WBP1L: variants seen among roughly 807,000 people sequenced by gnomAD.
WBP1L encodes WW domain binding protein 1-like.
WBP1L carries 17 observed loss-of-function variants against 33.7 expected under a neutral mutation model. The ratio of observed to expected loss-of-function variants is 0.50; its 90% CI spans 0.34 to 0.76. The LOEUF is 0.76. Among genes scored for constraint, WBP1L ranks in the 30% least tolerant of loss-of-function variants. The probability of loss-of-function intolerance (pLI) is 0.01; values close to 1 mark genes in which losing one functional copy is unlikely to be tolerated. For synonymous variants in WBP1L, 173 were observed against 190.8 expected (o/e 0.91, Z 0.77); for missense variants, 389 against 469.4 (o/e 0.83, Z 1.58).
At chr10:102,812,433 C>T (rs1431612617) in intron 3 of WBP1L, among the ~76,000 whole-genome samples, 162 bp from the exon 4 acceptor site, 1 of 152,188 alleles carries the variant, frequency 6.6e-6, no homozygotes, top group African/African-American at 2.4e-5. Context: ...TGCAGAATTG[C>T]TCGCAGCTGT....
At chr10:102,793,743 A>T (rs931756360) in intron 1 of WBP1L, among the ~76,000 whole-genome samples, 5 of 151,804 alleles carry the variant, frequency 3.3e-5, no homozygotes, top group African/African-American at 1.2e-4. Context: ...CTACTGTAAA[A>T]GCTGGGCTTT....
chr10:102,792,592 C>CTTT (rs11368357), intron 1 of WBP1L, among the ~76,000 whole-genome samples: 4 of 103,576 alleles, frequency 3.9e-5, no homozygotes, highest in Admixed American at 1.1e-4. Context: ...TTTTTCTTTT[C>CTTT]TTTTTTTTTT....
chr10:102,769,958 A>G (rs545266353), intron 1 of WBP1L, among the ~76,000 whole-genome samples: 1 of 152,218 alleles, frequency 6.6e-6, no homozygotes, highest in Admixed American at 6.5e-5. Context: ...GCCCAGAAGC[A>G]GGAGAGGTGT....
chr10:102,782,245 C>T (rs530460663), intron 1 of WBP1L, among the ~76,000 whole-genome samples: 4 of 39,248 alleles, frequency 1.0e-4, no homozygotes, highest in Non-Finnish European at 1.8e-4. Flanking sequence ...TTTTGAGGAA[C>T]GTGGCTTGTT....
intron 1 of WBP1L, among the ~76,000 whole-genome samples, chr10:102,747,038 A>G (rs1228587254): frequency 6.6e-6 from 1 of 152,192 alleles, no homozygotes; most frequent in Admixed American, 6.5e-5. Flanking sequence ...TTATGACATT[A>G]CAACTCACAG....
chr10:102,759,470 T>C (rs1241464008), intron 1 of WBP1L, among the ~76,000 whole-genome samples: 1 of 152,258 alleles, frequency 6.6e-6, no homozygotes, highest in Non-Finnish European at 1.5e-5. Flanking sequence ...TTTTCTTTAT[T>C]ATACTGAAAT....
At chr10:102,749,859 C>T (rs1842908327) in intron 1 of WBP1L, among the ~76,000 whole-genome samples, 1 of 151,290 alleles carries the variant, frequency 6.6e-6, no homozygotes, top group Non-Finnish European at 1.5e-5. Context: ...CTCACTGCCA[C>T]CTCTGACTCC....
At chr10:102,812,560 T>C (rs762056913) in intron 3 of WBP1L, 35 bp from the exon 4 acceptor site, 12 of 1,543,546 alleles carry the variant, frequency 7.8e-6, no homozygotes, top group African/African-American at 2.7e-5. Context: ...CAATGACCAG[T>C]GCAGTAATTT....
intron 1 of WBP1L, among the ~76,000 whole-genome samples, chr10:102,753,031 G>A (rs1391525488): frequency 6.6e-6 from 1 of 152,182 alleles, no homozygotes; most frequent in African/African-American, 2.4e-5. Flanking sequence ...CCTGCCATCA[G>A]CTATTAGGAC....
At chr10:102,768,319 C>T (rs1246557467) in intron 1 of WBP1L, among the ~76,000 whole-genome samples, 1 of 151,274 alleles carries the variant, frequency 6.6e-6, no homozygotes, top group African/African-American at 2.4e-5. Context: ...GATGTTCCAC[C>T]CACCTTGGCT....
intron 1 of WBP1L, among the ~76,000 whole-genome samples, chr10:102,749,826 G>A (rs1842907940): frequency 6.6e-6 from 1 of 151,716 alleles, no homozygotes; most frequent in African/African-American, 2.4e-5. Context: ...TGCCCAGGCT[G>A]GAGTGCAATG....
chr10:102,775,610 G>A (rs1191636754), intron 1 of WBP1L, among the ~76,000 whole-genome samples: 1 of 152,152 alleles, frequency 6.6e-6, no homozygotes, highest in Non-Finnish European at 1.5e-5. Flanking sequence ...TAAACTCTCC[G>A]GTGGAAGCGA....
chr10:102,784,110 GT>G lies in WBP1L; in HGVS notation c.91-13882del, dbSNP rs747519418. 9.9e-5 allele frequency among the ~76,000 whole-genome samples: 15 copies of G among 152,188 alleles called. No individual in the cohort carries two copies. In the East Asian group the frequency reaches 2.7e-3, roughly 27 times the overall value. On this transcript the variant is annotated intron_variant, in intron 1 of 3. Coordinates refer to ENST00000448841, the MANE Select transcript of WBP1L (RefSeq NM_001083913.2). The stretch of plus-strand genomic sequence containing the variant: ...CCATCTGAAATATGGATATGACCAA[GT>G]CCATCTGAAAAGTCGGATGGAACTG...
Position 102,809,886 on chromosome 10 carries a change from C to A in WBP1L, c.194-7C>A, listed in dbSNP as rs758934867. 1.2e-6 allele frequency: 2 copies of A among 1,606,196 alleles called. No individual in the cohort carries two copies. The highest frequency in any genetic ancestry group is 1.7e-6 in the Non-Finnish European group (2 of 1,176,282). ...TGCCTCTCTGTCTTGCCTTGCCCACCCCCCAGGGTTCTGGCTGGTGTGGAC... is the reference window on the plus strand; with the variant it reads ...TGCCTCTCTGTCTTGCCTTGCCCACACCCCAGGGTTCTGGCTGGTGTGGAC... On this transcript the variant is annotated splice_region_variant and splice_polypyrimidine_tract_variant and intron_variant, in intron 2 of 3. Coordinates refer to ENST00000448841, the MANE Select transcript of WBP1L (RefSeq NM_001083913.2).
At chr10:102,810,210 G>C (rs944762462) in intron 3 of WBP1L, among the ~76,000 whole-genome samples, 156 bp downstream of exon 3, 7 of 152,150 alleles carry the variant, frequency 4.6e-5, no homozygotes, top group African/African-American at 1.7e-4. Context: ...ACAGGAACAA[G>C]GGGACACTCC....
intron 1 of WBP1L, among the ~76,000 whole-genome samples, chr10:102,750,464 TA>T (rs1373587435): frequency 6.6e-6 from 1 of 152,078 alleles, no homozygotes; most frequent in Admixed American, 6.5e-5. Flanking sequence ...AAAGTATACA[TA>T]AATTGGTGTT....
intron 2 of WBP1L, among the ~76,000 whole-genome samples, chr10:102,805,574 C>T (rs1040744182): frequency 3.9e-5 from 6 of 151,940 alleles, no homozygotes; most frequent in Non-Finnish European, 5.9e-5. Context: ...ATGCTGATTA[C>T]CTAACGGGAG....
At chr10:102,776,003 C>A in intron 1 of WBP1L, 1 of 735,428 alleles carries the variant, frequency 1.4e-6, no homozygotes, top group Non-Finnish European at 1.7e-6. Flanking sequence ...CCACAGTGGG[C>A]TCTGGCTCTA....
At position 102,758,030 on chromosome 10, in the gene WBP1L, G is replaced by T. The variant is rs564821059; in HGVS notation, c.90+13887G>T. On this transcript the variant is annotated intron_variant, in intron 1 of 3. Coordinates refer to ENST00000448841, the MANE Select transcript of WBP1L (RefSeq NM_001083913.2). ...CCTCCTGAGTAGCTGGACTACAGGCGCCCGCTACCACGCCTGGCTAATTTT... is the reference window on the plus strand; with the variant it reads ...CCTCCTGAGTAGCTGGACTACAGGCTCCCGCTACCACGCCTGGCTAATTTT... Among the ~76,000 whole-genome samples, 77 of 150,938 alleles carry T rather than the reference G, an allele frequency of 5.1e-4. 1 individual carries two copies. In the East Asian group the frequency reaches 0.013, roughly 25 times the overall value.
Sources: allele counts gnomAD v4.1 joint callset (sites outside exome capture counted in the v4.1 genomes callset), GRCh38; gene constraint gnomAD v4.1.1; transcripts MANE v1.5; gene names NCBI Gene and HGNC (gene_info 2026-07-23, HGNC 2026-07-21).